POLR3GL: variants seen among roughly 807,000 people sequenced by gnomAD.
POLR3GL encodes the protein RNA polymerase III subunit GL.
POLR3GL carries 26 observed loss-of-function variants against 32.4 expected under a neutral mutation model. That is an observed-to-expected ratio of 0.80 (90% CI 0.59 to 1.11). POLR3GL has a LOEUF of 1.11. POLR3GL is among the 50% of genes most tolerant of loss of function. The pLI is 0.00. For missense variants in POLR3GL, 229 were observed against 280.1 expected (o/e 0.82, Z 1.30); for synonymous variants, 95 against 98.7 (o/e 0.96, Z 0.22).
rs781805335 is a variant in POLR3GL at position 145,975,302 on chromosome 1, T to C, written c.127-5T>C. ...CTGAACTGACCACTGCCCCTGCCTCTTTAGCCCTTGGAGTTCCGCCCAGTA... is the reference window on the plus strand; with the variant it reads ...CTGAACTGACCACTGCCCCTGCCTCCTTAGCCCTTGGAGTTCCGCCCAGTA... On this transcript the variant is annotated splice_polypyrimidine_tract_variant and splice_region_variant and intron_variant, in intron 2 of 7. Transcript: ENST00000369314. The C allele has an allele frequency of 2.5e-6, 4 of 1,613,554 alleles. No homozygotes were observed. Among genetic ancestry groups the C allele is most frequent in the African/African-American group, 1.3e-5 (1 of 75,058 alleles).
chr1:145,978,724 C>A lies in POLR3GL; in HGVS notation c.*277C>A. The A allele has an allele frequency of 2.3e-6, 1 of 437,744 alleles. No individual in the cohort carries two copies. The highest frequency in any genetic ancestry group is 4.1e-6 in the Non-Finnish European group (1 of 244,256). 27.1% of individuals were successfully genotyped at this position (437,744 alleles called of 1,614,324 possible). ...GAAAGAAGAACTGGGGTTGTTAGAG[C>A]TGAGATGACTGTACACATACCCCTG... On this transcript the variant is annotated 3_prime_UTR_variant, in exon 8 of 8. Transcript: ENST00000369314.
In POLR3GL at chr1:145,966,795, A is replaced by T. The variant is rs192295631; in HGVS notation, c.-42+2027A>T. On this transcript the variant is annotated intron_variant, in intron 1 of 7. Coordinates refer to ENST00000369314, the MANE Select transcript of POLR3GL (RefSeq NM_032305.3). ...CAAGAGTGAAACTGTCTCAAAAAAA[A>T]AATAATAAAATAAAAAGAACATAAA... 7.2e-3 allele frequency among the ~76,000 whole-genome samples: 1,096 copies of T among 152,314 alleles called. 4 individuals carry two copies. Among genetic ancestry groups the T allele is most frequent in the Middle Eastern group, 0.027 (8 of 294 alleles).
intron 1 of POLR3GL, among the ~76,000 whole-genome samples, chr1:145,970,346 A>G (rs1298830972): frequency 2.0e-5 from 3 of 152,156 alleles, no homozygotes; most frequent in Non-Finnish European, 2.9e-5. Context: ...GAATCTCACT[A>G]TGTTGCCCCG....
In POLR3GL at chr1:145,978,073, T is replaced by A; in HGVS notation, c.547T>A (p.Tyr183Asn). The A allele has an allele frequency of 6.2e-7, 1 of 1,602,106 alleles. No homozygotes were observed. Among genetic ancestry groups the A allele is most frequent in the Non-Finnish European group, 8.5e-7 (1 of 1,172,650 alleles). The change falls in exon 7 of 8, where the codon TAT (tyrosine) becomes AAT (asparagine). Residue 183 changes from tyrosine to asparagine, a missense_variant. By Grantham distance (143) the Tyr-to-Asn change is moderately radical (BLOSUM62 -2). Coordinates refer to ENST00000369314, the MANE Select transcript of POLR3GL (RefSeq NM_032305.3). ...EEKEEEEEEEYDEEEHEEETD... is the reference protein window; with the variant it reads ...EEKEEEEEEENDEEEHEEETD... ...GAAGGAAGAGGAGGAAGAAGAAGAG[T>A]ATGATGAAGAAGAACATGAAGAGGT...
At chr1:145,970,952 G>A (rs1158280761) in intron 1 of POLR3GL, among the ~76,000 whole-genome samples, 1 of 141,922 alleles carries the variant, frequency 7.0e-6, no homozygotes, top group Non-Finnish European at 1.5e-5. Context: ...TTGGGAGGCC[G>A]AGGCGGATGG....
chr1:145,977,106 A>G lies in POLR3GL; in HGVS notation c.279A>G (p.Lys93=), dbSNP rs1650590912. Residue 93 remains lysine (K), a synonymous_variant, in exon 4 of 8, where the codon AAA becomes AAG. Coordinates refer to ENST00000369314, the MANE Select transcript of POLR3GL (RefSeq NM_032305.3). The part of the protein sequence containing the change: ...PKRDVERYSD[K]YQMSGPIDNA... ...CAGATGTGGAGCGTTATTCAGACAA[A>G]TATCAGATGTCAGGTCCGATTGACA... 2 of 1,613,758 alleles carry G rather than the reference A, an allele frequency of 1.2e-6. No individual in the cohort carries two copies. Among genetic ancestry groups the G allele is most frequent in the African/African-American group, 1.3e-5 (1 of 74,804 alleles).
chr1:145,967,962 A>C (rs1454885498), intron 1 of POLR3GL, among the ~76,000 whole-genome samples: 1 of 152,240 alleles, frequency 6.6e-6, no homozygotes, highest in African/African-American at 2.4e-5. Context: ...TAGCTAGGAA[A>C]TTGAACTGGG....
chr1:145,976,966 GC>G, intron 3 of POLR3GL, 117 bp from the exon 4 acceptor site: 1 of 804,546 alleles, frequency 1.2e-6, no homozygotes, highest in Non-Finnish European at 2.1e-6. Flanking sequence ...GACCCCCTGG[GC>G]TCTGGGTTTG....
chr1:145,971,217 A>G (rs1553762635), intron 1 of POLR3GL, among the ~76,000 whole-genome samples: 3 of 150,202 alleles, frequency 2.0e-5, no homozygotes, highest in Non-Finnish European at 4.4e-5. Context: ...ATTGATTCGT[A>G]TATTTGTTAC....
intron 1 of POLR3GL, among the ~76,000 whole-genome samples, chr1:145,969,921 CAAAAA>C (rs1353132714): frequency 1.5e-5 from 1 of 65,088 alleles, no homozygotes; most frequent in Admixed American, 1.8e-4. Flanking sequence ...GACTCTGTCT[CAAAAA>C]AAAAAAAAAA....
intron 1 of POLR3GL, among the ~76,000 whole-genome samples, chr1:145,965,285 T>C (rs1490820648): frequency 1.3e-5 from 2 of 152,248 alleles, no homozygotes; most frequent in African/African-American, 4.8e-5. Context: ...GTTAGTTAAA[T>C]AGAATTGATT....
At chr1:145,977,576 T>C in intron 5 of POLR3GL, 37 bp downstream of exon 5, 1 of 1,576,532 alleles carries the variant, frequency 6.3e-7, no homozygotes, top group Non-Finnish European at 8.7e-7. Context: ...AGAAGAGAGG[T>C]TTCCTTCATC....
Position 145,975,338 on chromosome 1 carries a change from C to T in POLR3GL, c.158C>T (p.Ser53Leu). The change falls in exon 3 of 8, where the codon TCA becomes TTA. Residue 53 changes from serine to leucine, a missense_variant. Transcript: ENST00000369314. ...PLEFRPVPLP[S>L]GEEGEYVLAL... is the part of the protein sequence containing the mutation. ...GAGTTCCGCCCAGTACCTTTGCCCT[C>T]AGGCGAGGAAGGGGAATATGTCCTG... The T allele has an allele frequency of 6.2e-7, 1 of 1,614,202 alleles. No individual in the cohort carries two copies. The highest frequency in any genetic ancestry group is 1.3e-5 in the African/African-American group (1 of 75,070).
At chr1:145,975,117 C>A in intron 2 of POLR3GL, 126 bp downstream of exon 2, 1 of 1,330,398 alleles carries the variant, frequency 7.5e-7, no homozygotes, top group Non-Finnish European at 1.0e-6. Flanking sequence ...TCCCAATGCA[C>A]AGGGATGTTT....
rs1650486036 is a variant in POLR3GL, at chr1:145,975,007, C to G, written c.126+16C>G. The G allele has an allele frequency of 6.6e-7, 1 of 1,508,442 alleles. No homozygotes were observed. The highest frequency in any genetic ancestry group is 8.8e-7 in the Non-Finnish European group (1 of 1,131,164). 93.4% of individuals were successfully genotyped at this position (1,508,442 alleles called of 1,614,324 possible). A position where few individuals can be genotyped will look rare whatever the true frequency, so the allele number is the denominator to read the frequency against. On this transcript the variant is annotated intron_variant, in intron 2 of 7. Transcript: ENST00000369314. The stretch of plus-strand genomic sequence containing the variant: ...ACTCTTCCCTGTGAGTCTCTCCACT[C>G]CCTTCCCAGACTCTCATGTGCCCCT...
chr1:145,977,386 T>G, intron 4 of POLR3GL, 97 bp from the exon 5 acceptor site: 1 of 1,250,628 alleles, frequency 8.0e-7, no homozygotes, highest in East Asian at 2.4e-5. Context: ...CCTTCCTTCC[T>G]CTCCTTTAAA....
At chr1:145,972,933 G>A (rs145198444) in intron 1 of POLR3GL, among the ~76,000 whole-genome samples, 4 of 152,124 alleles carry the variant, frequency 2.6e-5, no homozygotes, top group Admixed American at 6.5e-5. Context: ...CCTAGGGCTC[G>A]AGTGATCTGC....
chr1:145,972,328 C>T (rs928678983), intron 1 of POLR3GL, among the ~76,000 whole-genome samples: 14 of 149,058 alleles, frequency 9.4e-5, no homozygotes, highest in Non-Finnish European at 1.8e-4. Flanking sequence ...TGCAGCGAGC[C>T]GAGATCGTGC....
chr1:145,969,911 G>A (rs1274774124), intron 1 of POLR3GL, among the ~76,000 whole-genome samples: 1 of 135,700 alleles, frequency 7.4e-6, no homozygotes, highest in Non-Finnish European at 1.5e-5. Context: ...GACAGAGCAA[G>A]ACTCTGTCTC....
Sources: gnomAD v4.1 joint callset for allele counts (sites outside exome capture counted in the v4.1 genomes callset) on GRCh38, gnomAD v4.1.1 for gene constraint, MANE v1.5 for transcripts, NCBI Gene and HGNC (gene_info 2026-07-23, HGNC 2026-07-21) for gene names.